SYT10: variants seen among roughly 807,000 people sequenced by gnomAD.
The protein encoded by SYT10 is synaptotagmin-10.
Under a neutral mutation model 51.1 loss-of-function variants are expected in SYT10, and 31 were observed. That is an observed-to-expected ratio of 0.61 (90% CI 0.46 to 0.82). SYT10 has a LOEUF of 0.82. SYT10 is among the 40% of genes least tolerant of loss of function. SYT10 has a pLI of 0.00. For missense variants in SYT10, 603 were observed against 634.0 expected (o/e 0.95, Z 0.53); for synonymous variants, 233 against 225.9 (o/e 1.03, Z -0.28).
chr12:33,426,470 G>C lies in SYT10; in HGVS notation c.177C>G (p.Val59=), dbSNP rs772937480. The C allele has an allele frequency of 6.2e-7, 1 of 1,600,120 alleles. No homozygotes were observed. Among genetic ancestry groups the C allele is most frequent in the Non-Finnish European group, 8.5e-7 (1 of 1,175,110 alleles). The change falls in exon 2 of 7, where the codon GTC becomes GTG. Residue 59 remains valine, a synonymous_variant. Coordinates refer to ENST00000228567, the MANE Select transcript of SYT10 (RefSeq NM_198992.4). The part of the protein sequence containing the change: ...STDISVSLLA[V]VVSFCGLALL... ...AGGCCAGTCCACAAAAGCTGACAACGACAGCTAACAGGCTGACTGAAATAT... is the reference window on the plus strand; with the variant it reads ...AGGCCAGTCCACAAAAGCTGACAACCACAGCTAACAGGCTGACTGAAATAT...
intron 2 of SYT10, among the ~76,000 whole-genome samples, chr12:33,422,855 T>C (rs956039137): frequency 1.3e-5 from 2 of 152,150 alleles, no homozygotes; most frequent in African/African-American, 4.8e-5. Context: ...GTATTACATG[T>C]ATTGTCTCCA....
At chr12:33,418,507 C>T (rs1027400404) in intron 2 of SYT10, among the ~76,000 whole-genome samples, 7 of 152,278 alleles carry the variant, frequency 4.6e-5, no homozygotes, top group African/African-American at 1.7e-4. Context: ...CTGAACTTGT[C>T]CACTTAGATT....
At chr12:33,405,014 T>C (rs905110124) in intron 3 of SYT10, 1 of 150,864 alleles carries the variant, frequency 6.6e-6, no homozygotes, top group African/African-American at 2.5e-5. Flanking sequence ...AACGTATGAA[T>C]GTTTAAAAAA....
At position 33,439,690 on chromosome 12, in the gene SYT10, A is replaced by C; in HGVS notation, c.-168T>G. 1.2e-6 allele frequency: 1 copy of C among 804,648 alleles called. No homozygotes were observed. Among genetic ancestry groups the C allele is most frequent in the Non-Finnish European group, 1.9e-6 (1 of 532,060 alleles). 49.8% of individuals were successfully genotyped at this position (804,648 alleles called of 1,614,324 possible). ...CTCTTAGGAGCCCCACGTTGGCCCC[A>C]TGGCGGGAGCGGAGGGCGTAGGGGA... On this transcript the variant is annotated 5_prime_UTR_variant, in exon 1 of 7. An upstream start codon of the reference 5' UTR is lost. Coordinates refer to ENST00000228567, the MANE Select transcript of SYT10 (RefSeq NM_198992.4).
intron 1 of SYT10, among the ~76,000 whole-genome samples, chr12:33,433,301 C>T (rs1866611774): frequency 6.6e-6 from 1 of 152,080 alleles, no homozygotes; most frequent in Admixed American, 6.6e-5. Flanking sequence ...CTTTTTCAGT[C>T]ACATTTTGTC....
In SYT10 at chr12:33,379,832, C is replaced by A. The variant is rs776932613; in HGVS notation, c.1500G>T (p.Glu500Asp). ...AGACGTAAGGAACTCACAAGCTTAC[C>A]TCCAGCAATGGGTGCCAGTGCGTTA... Reference protein sequence around the residue: ...KPITHWHPLLELPGRATSFDS... With the variant: ...KPITHWHPLLDLPGRATSFDS... The change falls in exon 6 of 7, where the codon GAG (glutamate) becomes GAT (aspartate). Residue 500 changes from glutamate (E) to aspartate (D), a missense_variant and splice_region_variant. Physicochemically the swap from Glu to Asp is conservative, Grantham distance 45. Transcript: ENST00000228567. The A allele has an allele frequency of 6.2e-7, 1 of 1,613,608 alleles. No individual in the cohort carries two copies. The highest frequency in any genetic ancestry group is 2.2e-5 in the East Asian group (1 of 44,824).
At chr12:33,405,212 AT>A (rs1345969381) in intron 3 of SYT10, 1 of 152,170 alleles carries the variant, frequency 6.6e-6, no homozygotes, top group East Asian at 1.9e-4. Flanking sequence ...ATAAAAAGTA[AT>A]AATAAGACTG....
intron 2 of SYT10, among the ~76,000 whole-genome samples, chr12:33,422,203 G>A (rs2080797437): frequency 6.6e-6 from 1 of 152,116 alleles, no homozygotes; most frequent in Admixed American, 6.6e-5. Flanking sequence ...AATGCTAATG[G>A]TAGCTTGGTA....
chr12:33,374,489 G>A lies in SYT10; in HGVS notation c.*2341C>T, dbSNP rs1431864352. On this transcript the variant is annotated 3_prime_UTR_variant, in exon 7 of 7. Transcript: ENST00000228567. ...TATATGAATGTGTGGGCTGTGTAGA[G>A]TGAGGGTGTGTTGTATTAAAATTGT... is the stretch of plus-strand genomic sequence containing the variant. 1 of 145,086 alleles carries A rather than the reference G, an allele frequency of 6.9e-6. No homozygotes were observed. The highest frequency in any genetic ancestry group is 2.5e-5 in the African/African-American group (1 of 39,256). The allele number at this position is 145,086 out of a possible 1,614,324, so 9.0% of individuals were successfully genotyped here.
chr12:33,430,632 T>C (rs1866589389), intron 1 of SYT10, among the ~76,000 whole-genome samples: 1 of 152,132 alleles, frequency 6.6e-6, no homozygotes, highest in Non-Finnish European at 1.5e-5. Context: ...ATTTTTAATT[T>C]TTCAAAATGT....
At chr12:33,386,651 C>A (rs551311103) in intron 3 of SYT10, among the ~76,000 whole-genome samples, 1 of 152,252 alleles carries the variant, frequency 6.6e-6, no homozygotes, top group Non-Finnish European at 1.5e-5. Flanking sequence ...ACCTCACTCC[C>A]AGACCCTTCA....
chr12:33,408,885 A>C (rs1168858016), intron 2 of SYT10, among the ~76,000 whole-genome samples: 1 of 152,004 alleles, frequency 6.6e-6, no homozygotes, highest in East Asian at 1.9e-4. Context: ...TTCTCCCTTT[A>C]CCCATAGGAT....
At chr12:33,416,526 T>C (rs752278162) in intron 2 of SYT10, among the ~76,000 whole-genome samples, 1 of 152,210 alleles carries the variant, frequency 6.6e-6, no homozygotes, top group Non-Finnish European at 1.5e-5. Flanking sequence ...TTCTGGTTCA[T>C]GAACATTCTC....
chr12:33,405,275 T>C (rs1468857436), intron 3 of SYT10: 1 of 152,148 alleles, frequency 6.6e-6, no homozygotes, highest in African/African-American at 2.4e-5. Flanking sequence ...ATTTGTAGAA[T>C]TCTAGAAGGT....
chr12:33,392,770 G>A (rs1467654965), intron 3 of SYT10, among the ~76,000 whole-genome samples: 1 of 151,730 alleles, frequency 6.6e-6, no homozygotes, highest in Non-Finnish European at 1.5e-5. Context: ...GGTCAGGGCA[G>A]GAACGGGGCA....
intron 2 of SYT10, among the ~76,000 whole-genome samples, chr12:33,419,241 G>C (rs1175322837): frequency 6.6e-6 from 1 of 152,082 alleles, no homozygotes; most frequent in South Asian, 2.1e-4. Flanking sequence ...TTATTACCTT[G>C]TAATACATCA....
At chr12:33,408,988 C>A (rs1247317003) in intron 2 of SYT10, among the ~76,000 whole-genome samples, 1 of 151,998 alleles carries the variant, frequency 6.6e-6, no homozygotes, top group Non-Finnish European at 1.5e-5. Flanking sequence ...GAGTCCAGAT[C>A]CTTATCTCCA....
In SYT10 at chr12:33,382,377, G is replaced by A; in HGVS notation, c.1342C>T (p.Leu448Phe). ...IPPENVDQVS[L>F]SIAVMDYDRV... Reference sequence around the variant, plus strand: ...TCGTAATCCATGACCGCAATGGAGAGGCTGACCTGGTCCACGTTCTCTGGA... The same window carrying A: ...TCGTAATCCATGACCGCAATGGAGAAGCTGACCTGGTCCACGTTCTCTGGA... Residue 448 changes from leucine (L) to phenylalanine (F), a missense_variant, in exon 5 of 7, where the codon CTC (leucine) becomes TTC (phenylalanine). Physicochemically the swap from Leu to Phe is conservative, Grantham distance 22 (BLOSUM62 0). Coordinates refer to ENST00000228567, the MANE Select transcript of SYT10 (RefSeq NM_198992.4). 6.2e-7 allele frequency: 1 copy of A among 1,611,466 alleles called. No individual in the cohort carries two copies.
intron 3 of SYT10, among the ~76,000 whole-genome samples, chr12:33,396,739 A>G (rs1373006273): frequency 6.0e-5 from 9 of 149,580 alleles, no homozygotes; most frequent in Admixed American, 4.7e-4. Context: ...GCTGGAGTGC[A>G]GTGGCGCGAT....
Sources: allele counts gnomAD v4.1 joint callset (sites outside exome capture counted in the v4.1 genomes callset), GRCh38; gene constraint gnomAD v4.1.1; transcripts MANE v1.5; gene names NCBI Gene and HGNC (gene_info 2026-07-23, HGNC 2026-07-21).